CAST: variants seen among roughly 807,000 people sequenced by gnomAD.
CAST encodes MIR583 host.
In CAST, 76 loss-of-function variants were observed where a neutral mutation model predicts 119.6. That is an observed-to-expected ratio of 0.64 (90% CI 0.53 to 0.77). CAST has a LOEUF of 0.77. CAST is among the 30% of genes least tolerant of loss of function. The pLI, the probability that CAST is intolerant of heterozygous loss-of-function variation, is 0.00. For missense variants in CAST, 953 were observed against 946.5 expected (o/e 1.01, Z -0.09); for synonymous variants, 319 against 331.6 (o/e 0.96, Z 0.41).
chr5:96,578,019 T>C (rs545902199), intron 1 of CAST, among the ~76,000 whole-genome samples: 26 of 152,332 alleles, frequency 1.7e-4, no homozygotes, highest in Non-Finnish European at 3.4e-4. Context: ...TGTCAGTTGC[T>C]GAGAGAAGGG....
intron 1 of CAST, among the ~76,000 whole-genome samples, chr5:96,579,506 T>G (rs1746733531): frequency 6.6e-6 from 1 of 152,160 alleles, no homozygotes; most frequent in South Asian, 2.1e-4. Context: ...GAGACTCTCT[T>G]TTGATGTGGG....
intron 1 of CAST, among the ~76,000 whole-genome samples, chr5:96,674,322 CTAT>C (rs1388090889): frequency 6.7e-6 from 1 of 150,264 alleles, no homozygotes; most frequent in South Asian, 2.1e-4. Flanking sequence ...ATTATTATTA[CTAT>C]TATTATTATC....
At chr5:96,697,472 C>G (rs1267065376) in intron 3 of CAST, among the ~76,000 whole-genome samples, 1 of 152,164 alleles carries the variant, frequency 6.6e-6, no homozygotes. Flanking sequence ...TACCATGCCA[C>G]TTTAAGACCC....
chr5:96,362,961 A>G, the CAST span, among the ~76,000 whole-genome samples: 3 of 151,950 alleles, frequency 2.0e-5, no homozygotes, highest in Non-Finnish European at 4.4e-5. Context: ...GGTTTTTATG[A>G]TTTCAGGTCT....
chr5:96,221,799 A>G, the CAST span, among the ~76,000 whole-genome samples: 2 of 152,180 alleles, frequency 1.3e-5, no homozygotes, highest in Non-Finnish European at 2.9e-5. Flanking sequence ...AGAAGAGTCA[A>G]AGGAATCTTG....
chr5:96,097,054 G>C, the CAST span, among the ~76,000 whole-genome samples: 1 of 152,138 alleles, frequency 6.6e-6, no homozygotes, highest in Non-Finnish European at 1.5e-5. Context: ...GTAGGACCCA[G>C]GAATATGTCT....
At chr5:96,139,569 C>T in the CAST span, among the ~76,000 whole-genome samples, 1 of 124,370 alleles carries the variant, frequency 8.0e-6, no homozygotes, top group Non-Finnish European at 1.8e-5. Flanking sequence ...TGTGTGTGTG[C>T]TTAACAAGTC....
At position 96,649,669 on chromosome 5, in the gene CAST, A is replaced by C. The variant is rs78680455; in HGVS notation, c.61-25870A>C. Among the ~76,000 whole-genome samples the C allele has an allele frequency of 6.4e-3, 981 of 152,334 alleles. 8 individuals carry two copies. Among genetic ancestry groups the C allele is most frequent in the African/African-American group, 0.023 (937 of 41,566 alleles). ...AGTTTTCCACCAGAACTAGTGATGTAACTTTGACCCAATTGAGCAGTCTCT... is the reference window on the plus strand; with the variant it reads ...AGTTTTCCACCAGAACTAGTGATGTCACTTTGACCCAATTGAGCAGTCTCT... On this transcript the variant is annotated intron_variant, in intron 1 of 11. Transcript: ENST00000505143.
the CAST span, among the ~76,000 whole-genome samples, chr5:96,517,043 G>A: frequency 6.6e-6 from 1 of 152,090 alleles, no homozygotes; most frequent in African/African-American, 2.4e-5. Context: ...AGTCTCATAA[G>A]CCAAGAAAAT....
intron 1 of CAST, among the ~76,000 whole-genome samples, chr5:96,632,204 T>TTGAG (rs1262070529): frequency 6.6e-6 from 1 of 151,722 alleles, no homozygotes; most frequent in Non-Finnish European, 1.5e-5. Flanking sequence ...CTTTCTGTTT[T>TTGAG]TGAGTTGGAA....
intron 22 of CAST, chr5:96,755,007 A>G: frequency 4.2e-6 from 1 of 240,586 alleles, no homozygotes; most frequent in Non-Finnish European, 8.1e-6. Flanking sequence ...TTGTTACAAT[A>G]CCAGAAATAT....
At chr5:96,303,165 A>C in the CAST span, among the ~76,000 whole-genome samples, 1 of 152,212 alleles carries the variant, frequency 6.6e-6, no homozygotes, top group Non-Finnish European at 1.5e-5. Context: ...AGCAGGAGGA[A>C]GAGAGCAAAG....
At chr5:96,157,171 C>T in the CAST span, among the ~76,000 whole-genome samples, 2 of 152,090 alleles carry the variant, frequency 1.3e-5, no homozygotes, top group African/African-American at 4.8e-5. Flanking sequence ...TTTAATACAG[C>T]CCTTTGATTA....
At chr5:96,183,445 C>T in the CAST span, among the ~76,000 whole-genome samples, 3 of 151,700 alleles carry the variant, frequency 2.0e-5, no homozygotes, top group Non-Finnish European at 4.4e-5. Flanking sequence ...TATATTTTGT[C>T]CAAGTAGAAA....
chr5:96,635,590 C>T (rs1483740531), intron 1 of CAST, among the ~76,000 whole-genome samples: 2 of 152,192 alleles, frequency 1.3e-5, no homozygotes, highest in East Asian at 1.9e-4. Context: ...TCCACAGCAA[C>T]ATTCGCATCA....
chr5:96,035,045 A>ATATATATATATATATATTTTTAAG, the CAST span, among the ~76,000 whole-genome samples: 2 of 98,430 alleles, frequency 2.0e-5, no homozygotes, highest in African/African-American at 8.2e-5. Flanking sequence ...ATTTAAGTAT[A>ATATATATATATATATATTTTTAAG]TATATATATA....
upstream of CAST, among the ~76,000 whole-genome samples, chr5:96,521,852 C>T (rs1049991587): frequency 1.3e-5 from 2 of 152,164 alleles, no homozygotes; most frequent in African/African-American, 4.8e-5. Flanking sequence ...GGTGCGGTGG[C>T]TCCGGACTGT....
At chr5:95,992,826 T>C in the CAST span, among the ~76,000 whole-genome samples, 42 of 152,276 alleles carry the variant, frequency 2.8e-4, no homozygotes, top group Middle Eastern at 3.4e-3. Context: ...TCTGCAAATC[T>C]AAAATTATTC....
chr5:96,260,253 T>C, the CAST span, among the ~76,000 whole-genome samples: 1 of 152,140 alleles, frequency 6.6e-6, no homozygotes, highest in Non-Finnish European at 1.5e-5. Flanking sequence ...CTAGCGAAAA[T>C]CTCTAAAACC....
Sources: gnomAD v4.1 joint callset for allele counts (sites outside exome capture counted in the v4.1 genomes callset) on GRCh38, gnomAD v4.1.1 for gene constraint, MANE v1.5 for transcripts, NCBI Gene and HGNC (gene_info 2026-07-23, HGNC 2026-07-21) for gene names.